MAMDC2: variants seen among roughly 807,000 people sequenced by gnomAD.
MAMDC2 encodes MAM domain containing 2, also known as MAM domain-containing protein 2.
A neutral mutation model predicts 89.8 loss-of-function variants in MAMDC2; 57 were observed. That is an observed-to-expected ratio of 0.63 (90% CI 0.51 to 0.79). The LOEUF is 0.79. MAMDC2 is among the 30% of genes least tolerant of loss of function. The pLI, the probability that MAMDC2 is intolerant of heterozygous loss-of-function variation, is 0.00. For synonymous variants in MAMDC2, 313 were observed against 293.4 expected, an observed-to-expected ratio of 1.07 and a Z score of -0.68; for missense variants, 800 against 820.6, an observed-to-expected ratio of 0.97 and a Z score of 0.31.
intron 11 of MAMDC2, among the ~76,000 whole-genome samples, chr9:70,199,613 G>A (rs2118626584): frequency 1.5e-5 from 1 of 67,522 alleles, no homozygotes; most frequent in East Asian, 3.8e-4. Flanking sequence ...CTAGATCCCT[G>A]AGGAATCACC....
At chr9:70,169,132 G>T (rs763365475) in intron 10 of MAMDC2, among the ~76,000 whole-genome samples, 1 of 152,022 alleles carries the variant, frequency 6.6e-6, no homozygotes, top group Non-Finnish European at 1.5e-5. Flanking sequence ...TGTTGTTTTT[G>T]TTATCTTACA....
At chr9:70,078,171 A>G (rs1189140941) in intron 2 of MAMDC2, among the ~76,000 whole-genome samples, 2 of 152,216 alleles carry the variant, frequency 1.3e-5, no homozygotes, top group East Asian at 1.9e-4. Flanking sequence ...TCTTGAATGC[A>G]GGATGGATAT....
chr9:70,192,645 AG>A (rs2032904155), intron 11 of MAMDC2, among the ~76,000 whole-genome samples: 1 of 152,158 alleles, frequency 6.6e-6, no homozygotes, highest in South Asian at 2.1e-4. Context: ...CCTCATCTTG[AG>A]TAATAAATAT....
intron 11 of MAMDC2, among the ~76,000 whole-genome samples, chr9:70,208,842 G>A (rs895447175): frequency 6.6e-6 from 1 of 152,110 alleles, no homozygotes; most frequent in East Asian, 1.9e-4. Context: ...TAGCATGAAG[G>A]GCTGCTGAAT....
chr9:70,091,319 G>C (rs1158609980), intron 2 of MAMDC2, among the ~76,000 whole-genome samples: 1 of 152,112 alleles, frequency 6.6e-6, no homozygotes, highest in African/African-American at 2.4e-5. Context: ...GTAGGTCACA[G>C]GCCAAGAGCT....
At position 70,109,797 on chromosome 9, in the gene MAMDC2, C is replaced by T; in HGVS notation, c.498C>T (p.Tyr166=). Residue 166 remains tyrosine, a synonymous_variant, in exon 4 of 14, where the codon TAC becomes TAT. Coordinates refer to ENST00000377182, the MANE Select transcript of MAMDC2 (RefSeq NM_153267.5). ...TTGAAATCAAGATGACAACCGGCTA[C>T]TGTATTGGTAAGTGGGCTTCATTTT... ...ALFEIKMTTG[Y]CIECDFEENH... 6.2e-7 allele frequency: 1 copy of T among 1,613,168 alleles called. No individual in the cohort carries two copies. Among genetic ancestry groups the T allele is most frequent in the South Asian group, 1.1e-5 (1 of 91,062 alleles).
At position 70,217,704 on chromosome 9, in the gene MAMDC2, A is replaced by G; in HGVS notation, c.1652-633A>G. On this transcript the variant is annotated intron_variant, in intron 11 of 13. Transcript: ENST00000377182. Reference sequence around the variant, plus strand: ...TAGATTTTTAAATAAAGATTGGATTATATTTAAAAAAATTACAGAGTATGT... The same window carrying G: ...TAGATTTTTAAATAAAGATTGGATTGTATTTAAAAAAATTACAGAGTATGT... 9 of 1,391,410 alleles carry G rather than the reference A, an allele frequency of 6.5e-6. No individual in the cohort carries two copies. The South Asian group carries it at 7.4e-5, about 11-fold the overall frequency. The allele number at this position is 1,391,410 out of a possible 1,614,324, so 86.2% of individuals were successfully genotyped here. A position where few individuals can be genotyped will look rare whatever the true frequency, so the allele number is the denominator to read the frequency against.
rs888548685 is a variant in MAMDC2, at chr9:70,044,495, C to T, written c.35-89C>T. On this transcript the variant is annotated intron_variant, in intron 1 of 13. Transcript: ENST00000377182. ...CCCCCTCCCGCTCGTCTTTCCCCCA[C>T]TTTCACCAGGTAGTCCCCCTGGGGC... The T allele has an allele frequency of 1.8e-5, 20 of 1,088,826 alleles. No individual in the cohort carries two copies. The African/African-American group carries it at 2.5e-4, about 14-fold the overall frequency. 67.4% of individuals were successfully genotyped at this position (1,088,826 alleles called of 1,614,324 possible).
intron 11 of MAMDC2, among the ~76,000 whole-genome samples, chr9:70,209,683 A>C (rs1426020114): frequency 6.6e-6 from 1 of 151,866 alleles, no homozygotes; most frequent in Non-Finnish European, 1.5e-5. Flanking sequence ...CTAGCTTTTG[A>C]ATGTGTTTGC....
At chr9:70,166,563 A>G (rs904653342) in intron 9 of MAMDC2, among the ~76,000 whole-genome samples, 2 of 152,132 alleles carry the variant, frequency 1.3e-5, no homozygotes, top group Admixed American at 6.5e-5. Flanking sequence ...AATATGCCCA[A>G]GTTATCAAAT....
At chr9:70,044,787 G>A in intron 2 of MAMDC2, 90 bp downstream of exon 2, 1 of 952,158 alleles carries the variant, frequency 1.1e-6, no homozygotes, top group South Asian at 1.4e-5. Context: ...TTATCTTGGA[G>A]TTAATTCTCC....
intron 5 of MAMDC2, among the ~76,000 whole-genome samples, chr9:70,117,852 T>C (rs1302297703): frequency 6.6e-6 from 1 of 152,230 alleles, no homozygotes; most frequent in Non-Finnish European, 1.5e-5. Flanking sequence ...ATGTACATTA[T>C]GGCATTTCTC....
intron 11 of MAMDC2, among the ~76,000 whole-genome samples, chr9:70,208,780 T>G (rs930802777): frequency 6.6e-6 from 1 of 151,978 alleles, no homozygotes; most frequent in African/African-American, 2.4e-5. Flanking sequence ...TTGTCATAGA[T>G]AGCTATTATT....
intron 11 of MAMDC2, among the ~76,000 whole-genome samples, chr9:70,199,931 A>G (rs1173630093): frequency 1.3e-5 from 2 of 151,900 alleles, no homozygotes; most frequent in East Asian, 1.9e-4. Context: ...GTTTGAGTTC[A>G]TTGTAGATTC....
chr9:70,066,166 C>T (rs1329410086), intron 2 of MAMDC2, among the ~76,000 whole-genome samples: 3 of 152,164 alleles, frequency 2.0e-5, no homozygotes, highest in Non-Finnish European at 2.9e-5. Context: ...ACCTCTGTCA[C>T]AGCTCAGCAG....
chr9:70,204,979 C>T (rs147012082), intron 11 of MAMDC2, among the ~76,000 whole-genome samples: 15,824 of 152,214 alleles, frequency 0.1, 1,639 homozygotes, highest in African/African-American at 0.27. Context: ...GAGATGCACC[C>T]GGTACCTCAG....
intron 11 of MAMDC2, among the ~76,000 whole-genome samples, chr9:70,202,126 G>C (rs1475345772): frequency 6.6e-6 from 1 of 151,770 alleles, no homozygotes; most frequent in Admixed American, 6.6e-5. Context: ...TGCTTTTCTG[G>C]TTCTTTTAAT....
At chr9:70,093,186 T>C (rs1249542842) in intron 2 of MAMDC2, among the ~76,000 whole-genome samples, 1 of 152,222 alleles carries the variant, frequency 6.6e-6, no homozygotes, top group African/African-American at 2.4e-5. Context: ...ATAACTCTTT[T>C]GTTTGACAGA....
chr9:70,185,946 T>C (rs1007261996), intron 11 of MAMDC2, among the ~76,000 whole-genome samples: 12 of 152,172 alleles, frequency 7.9e-5, no homozygotes, highest in African/African-American at 2.9e-4. Flanking sequence ...AAATCACTCG[T>C]CTTCTGCATA....
Sources: allele counts gnomAD v4.1 joint callset (sites outside exome capture counted in the v4.1 genomes callset), GRCh38; gene constraint gnomAD v4.1.1; transcripts MANE v1.5; gene names NCBI Gene and HGNC (gene_info 2026-07-23, HGNC 2026-07-21).